GPRIN3: variants seen among roughly 807,000 people sequenced by gnomAD.
GPRIN3 encodes G protein-regulated inducer of neurite outgrowth 3.
In GPRIN3, 12 loss-of-function variants were observed where a neutral mutation model predicts 13.7. The observed-to-expected ratio is 0.87, with a 90% confidence interval of 0.56 to 1.42. GPRIN3 has a LOEUF of 1.42. GPRIN3 is among the 40% of genes most tolerant of loss of function. The pLI, the probability that GPRIN3 is intolerant of heterozygous loss-of-function variation, is 0.00. For synonymous variants in GPRIN3, 377 were observed against 372.7 expected (o/e 1.01, Z -0.13); for missense variants, 1,009 against 958.7 (o/e 1.05, Z -0.69).
intron 1 of GPRIN3, among the ~76,000 whole-genome samples, chr4:89,266,542 T>G (rs77651527): frequency 6.6e-6 from 1 of 152,228 alleles, no homozygotes; most frequent in Non-Finnish European, 1.5e-5. Context: ...TTGAATGGTT[T>G]AGGAAAACTT....
intron 1 of GPRIN3, among the ~76,000 whole-genome samples, chr4:89,293,882 A>G (rs1231367175): frequency 1.3e-5 from 2 of 152,214 alleles, no homozygotes; most frequent in Non-Finnish European, 2.9e-5. Context: ...ATTCCATTAA[A>G]TCTTTTCTAT....
rs529667707 is a variant in GPRIN3, at chr4:89,237,479, A to G, written c.*10301T>C. ...AGATGGTGGTCACAGAGCCCTCATG[A>G]GTGAGATTAGTGCCCTTTTGAAAGT... On this transcript the variant is annotated 3_prime_UTR_variant, in exon 2 of 2. Transcript: ENST00000609438. 38 of 152,282 alleles carry G rather than the reference A, an allele frequency of 2.5e-4. No individual in the cohort carries two copies. Among genetic ancestry groups the G allele is most frequent in the African/African-American group, 9.1e-4 (38 of 41,550 alleles). The allele number at this position is 152,282 out of a possible 1,614,324, so 9.4% of individuals were successfully genotyped here. A position where few individuals can be genotyped will look rare whatever the true frequency, so the allele number is the denominator to read the frequency against.
rs868296591 is a variant in GPRIN3, at chr4:89,239,603, G to T, written c.*8177C>A. The stretch of plus-strand genomic sequence containing the variant: ...TATTCTTAACTTTCTACTGAGAAGT[G>T]GTTGTTTGTACTTTGCCAAATGGAA... On this transcript the variant is annotated 3_prime_UTR_variant, in exon 2 of 2. Coordinates refer to ENST00000609438, the MANE Select transcript of GPRIN3 (RefSeq NM_198281.3). 1 of 152,136 alleles carries T rather than the reference G, an allele frequency of 6.6e-6. No individual in the cohort carries two copies. Among genetic ancestry groups the T allele is most frequent in the South Asian group, 2.1e-4 (1 of 4,832 alleles). The allele number at this position is 152,136 out of a possible 1,614,324, so 9.4% of individuals were successfully genotyped here.
chr4:89,270,696 A>C (rs1002343781), intron 1 of GPRIN3, among the ~76,000 whole-genome samples: 1 of 149,978 alleles, frequency 6.7e-6, no homozygotes, highest in African/African-American at 2.5e-5. Flanking sequence ...ACACCACTGC[A>C]CCTGGCTAAT....
At chr4:89,256,271 G>C (rs1578079272) in intron 1 of GPRIN3, among the ~76,000 whole-genome samples, 1 of 152,124 alleles carries the variant, frequency 6.6e-6, no homozygotes, top group East Asian at 1.9e-4. Flanking sequence ...CCTTCTATTT[G>C]CAAGTGATTT....
chr4:89,271,087 G>A (rs555965898), intron 1 of GPRIN3, among the ~76,000 whole-genome samples: 11 of 152,236 alleles, frequency 7.2e-5, no homozygotes, highest in African/African-American at 2.4e-4. Flanking sequence ...ATATTATGAT[G>A]TGGGAACATA....
chr4:89,305,615 C>G (rs1031633484), intron 1 of GPRIN3, among the ~76,000 whole-genome samples: 1 of 152,160 alleles, frequency 6.6e-6, no homozygotes, highest in Non-Finnish European at 1.5e-5. Context: ...TTTTGTGATT[C>G]CAAGACCAAT....
At chr4:89,264,640 G>A (rs1723734776) in intron 1 of GPRIN3, among the ~76,000 whole-genome samples, 1 of 152,106 alleles carries the variant, frequency 6.6e-6, no homozygotes, top group South Asian at 2.1e-4. Flanking sequence ...AGCCAAGCAG[G>A]TGAGGACAGA....
At chr4:89,273,821 C>A (rs1297366308) in intron 1 of GPRIN3, among the ~76,000 whole-genome samples, 5 of 152,240 alleles carry the variant, frequency 3.3e-5, no homozygotes, top group Non-Finnish European at 7.3e-5. Flanking sequence ...GTGTGTACAA[C>A]ACCCATGACT....
At chr4:89,296,376 C>T (rs1183978770) in intron 1 of GPRIN3, among the ~76,000 whole-genome samples, 1 of 152,170 alleles carries the variant, frequency 6.6e-6, no homozygotes, top group Non-Finnish European at 1.5e-5. Flanking sequence ...TATTCATCCT[C>T]CTACCGAGTA....
rs1173623998 is a variant in GPRIN3 at position 89,270,563 on chromosome 4, AT to A, written c.-123-20331del. On this transcript the variant is annotated intron_variant, in intron 1 of 1. Transcript: ENST00000609438. Reference sequence around the variant, plus strand: ...TTATATATATTTATATATGTATATAATTTATATATATATATATATATATATA... The same window carrying A: ...TTATATATATTTATATATGTATATAATTATATATATATATATATATATATA... Among the ~76,000 whole-genome samples the A allele has an allele frequency of 6.4e-3, 387 of 60,424 alleles. 4 individuals are homozygous for A. Among genetic ancestry groups the A allele is most frequent in the African/African-American group, 0.033 (376 of 11,390 alleles). 39.6% of individuals were successfully genotyped at this position (60,424 alleles called of 152,430 possible).
intron 1 of GPRIN3, among the ~76,000 whole-genome samples, chr4:89,290,981 T>C (rs1293655126): frequency 6.6e-6 from 1 of 152,116 alleles, no homozygotes; most frequent in Non-Finnish European, 1.5e-5. Flanking sequence ...CCATGATACT[T>C]GCCTCCATCC....
At chr4:89,275,849 T>C (rs1197411306) in intron 1 of GPRIN3, among the ~76,000 whole-genome samples, 1 of 152,192 alleles carries the variant, frequency 6.6e-6, no homozygotes, top group Non-Finnish European at 1.5e-5. Flanking sequence ...TGGGTTAATA[T>C]TTGCCAACAC....
chr4:89,261,947 A>T (rs935271913), intron 1 of GPRIN3, among the ~76,000 whole-genome samples: 27 of 151,932 alleles, frequency 1.8e-4, no homozygotes, highest in African/African-American at 6.0e-4. Context: ...CCCCGTCTCT[A>T]CTAAAAATAC....
At chr4:89,295,621 C>T (rs1431803303) in intron 1 of GPRIN3, among the ~76,000 whole-genome samples, 3 of 151,980 alleles carry the variant, frequency 2.0e-5, no homozygotes, top group Admixed American at 1.3e-4. Flanking sequence ...GAAAATAAGC[C>T]TGTGAATGAA....
rs375884154 is a variant in GPRIN3, at chr4:89,238,912, A to C, written c.*8868T>G. ...TGAGATGCAAAAAAATCATAATCTA[A>C]ATTTTTTGATGGTAAAACTAAGTCA... On this transcript the variant is annotated 3_prime_UTR_variant, in exon 2 of 2. Coordinates refer to ENST00000609438, the MANE Select transcript of GPRIN3 (RefSeq NM_198281.3). 6.6e-6 allele frequency: 1 copy of C among 152,194 alleles called. No homozygotes were observed. The highest frequency in any genetic ancestry group is 2.1e-4 in the South Asian group (1 of 4,828). 9.4% of individuals were successfully genotyped at this position (152,194 alleles called of 1,614,324 possible).
At chr4:89,290,887 C>T (rs538201428) in intron 1 of GPRIN3, among the ~76,000 whole-genome samples, 1 of 152,162 alleles carries the variant, frequency 6.6e-6, no homozygotes, top group Non-Finnish European at 1.5e-5. Flanking sequence ...ACACAGTGAG[C>T]ACTCACTACT....
intron 1 of GPRIN3, among the ~76,000 whole-genome samples, chr4:89,253,068 T>C (rs1006759513): frequency 5.3e-5 from 8 of 151,814 alleles, no homozygotes; most frequent in African/African-American, 1.9e-4. Context: ...CTGTGTCCTT[T>C]GTATTGTTCT....
intron 1 of GPRIN3, among the ~76,000 whole-genome samples, chr4:89,252,751 C>G (rs1723362215): frequency 6.6e-6 from 1 of 152,166 alleles, no homozygotes; most frequent in South Asian, 2.1e-4. Context: ...CATCCCTGGT[C>G]TTAACTGCTT....
Sources: allele counts gnomAD v4.1 joint callset (sites outside exome capture counted in the v4.1 genomes callset), GRCh38; gene constraint gnomAD v4.1.1; transcripts MANE v1.5; gene names NCBI Gene and HGNC (gene_info 2026-07-23, HGNC 2026-07-21).